The following FEM1B variants were observed in gnomAD, a reference collection of about 807,000 sequenced individuals.
FEM1B encodes fem-1 homolog B, also known as protein fem-1 homolog B.
A neutral mutation model predicts 38.6 loss-of-function variants in FEM1B; 10 were observed. That is an observed-to-expected ratio of 0.26 (90% CI 0.16 to 0.44). The LOEUF is 0.44. Among genes scored for constraint, FEM1B ranks in the 20% least tolerant of loss-of-function variants. The pLI is 1.00. For missense variants in FEM1B, 471 were observed against 786.7 expected (o/e 0.60, Z 4.80); for synonymous variants, 288 against 288.0 (o/e 1.00, Z 0.00).
rs967749460 is a variant in FEM1B at position 68,288,624 on chromosome 15, TAGTA to T, written c.249-975_249-972del. 6.6e-6 allele frequency among the ~76,000 whole-genome samples: 1 copy of T among 152,174 alleles called. No homozygotes were observed. Among genetic ancestry groups the T allele is most frequent in the Admixed American group, 6.5e-5 (1 of 15,276 alleles). On this transcript the variant is annotated intron_variant, in intron 1 of 1. Coordinates refer to ENST00000306917, the MANE Select transcript of FEM1B (RefSeq NM_015322.5). The surrounding 1 kb of genome is among the most constrained non-coding windows in gnomAD (Gnocchi z 4.6). ...GTGAATCTAGCACATATCAGATGTT[TAGTA>T]AGTAAGTGATAAGTATGAAGCCACA...
chr15:68,291,341 T>C lies in FEM1B; in HGVS notation c.*99T>C, dbSNP rs1281455335. ...TGTGTTCATAAATTCTGCTTTTCTT[T>C]CCACTACCCTTCCTCCCATCCCATC... On this transcript the variant is annotated 3_prime_UTR_variant, in exon 2 of 2. Transcript: ENST00000306917. The surrounding 1 kb of genome is among the most constrained non-coding windows in gnomAD (Gnocchi z 6.9). The C allele has an allele frequency of 1.2e-6, 1 of 864,292 alleles. No individual in the cohort carries two copies. Among genetic ancestry groups the C allele is most frequent in the Non-Finnish European group, 1.8e-6 (1 of 566,828 alleles). The allele number at this position is 864,292 out of a possible 1,614,324, so 53.5% of individuals were successfully genotyped here.
rs911677206 is a variant in FEM1B, at chr15:68,295,844, A to G, written c.*4602A>G. On this transcript the variant is annotated 3_prime_UTR_variant, in exon 2 of 2. Coordinates refer to ENST00000306917, the MANE Select transcript of FEM1B (RefSeq NM_015322.5). ...AAAGGAAAAAATGGTGTTTGTGTTCAGTAAATGTTTGAAAAAAACTACTTT... is the reference window on the plus strand; with the variant it reads ...AAAGGAAAAAATGGTGTTTGTGTTCGGTAAATGTTTGAAAAAAACTACTTT... The G allele has an allele frequency of 6.6e-6, 1 of 152,186 alleles. No homozygotes were observed. 9.4% of individuals were successfully genotyped at this position (152,186 alleles called of 1,614,324 possible).
At chr15:68,279,764 C>T (rs1173679709) in intron 1 of FEM1B, among the ~76,000 whole-genome samples, 1 of 152,106 alleles carries the variant, frequency 6.6e-6, no homozygotes, top group Non-Finnish European at 1.5e-5. Flanking sequence ...GCTTTTTCTT[C>T]TATTTTAGAT....
chr15:68,278,663 C>G lies in FEM1B; in HGVS notation c.246C>G (p.Asp82Glu). The change falls in exon 1 of 2, where the codon GAC becomes GAG. Residue 82 changes from aspartate to glutamate, a missense_variant and splice_region_variant. By Grantham distance (45) the Asp-to-Glu change is conservative (BLOSUM62 2). Around this residue, in one of 3 missense-constraint regions of FEM1B, gnomAD observed 91 missense variants for 169.6 expected, o/e 0.54. Coordinates refer to ENST00000306917, the MANE Select transcript of FEM1B (RefSeq NM_015322.5). This position sits in a 1 kb window ranked among gnomAD's most constrained non-coding sequence, Gnocchi z 5.7. ...AGCAGACTGGCACCGTCCGCTTCGA[C>G]GGGTAGGTACATCCCAAGCCAGCCT... ...QTQQTGTVRF[D>E]GYVIDGATAL... The G allele has an allele frequency of 6.2e-7, 1 of 1,613,806 alleles. No individual in the cohort carries two copies. Among genetic ancestry groups the G allele is most frequent in the Non-Finnish European group, 8.5e-7 (1 of 1,179,954 alleles).
intron 1 of FEM1B, among the ~76,000 whole-genome samples, chr15:68,282,269 T>C (rs1337423113): frequency 2.0e-5 from 3 of 151,872 alleles, no homozygotes; most frequent in Non-Finnish European, 4.4e-5. Flanking sequence ...GTTGTTCTTT[T>C]AAAGTCAGTG....
chr15:68,278,352 G>A lies in FEM1B; in HGVS notation c.-66G>A, dbSNP rs1892685757. ...CCAGGTTTAAAGCGCTGGCGAACGC[G>A]GCCTCCGGGGGCGCACGGCAGCTGC... On this transcript the variant is annotated 5_prime_UTR_variant, in exon 1 of 2. Coordinates refer to ENST00000306917, the MANE Select transcript of FEM1B (RefSeq NM_015322.5). This position sits in a 1 kb window ranked among gnomAD's most constrained non-coding sequence, Gnocchi z 5.7. The A allele has an allele frequency of 6.5e-7, 1 of 1,545,466 alleles. No individual in the cohort carries two copies.
chr15:68,290,794 C>T lies in FEM1B; in HGVS notation c.1436C>T (p.Pro479Leu). 2 of 1,614,052 alleles carry T rather than the reference C, an allele frequency of 1.2e-6. No individual in the cohort carries two copies. Among genetic ancestry groups the T allele is most frequent in the Non-Finnish European group, 1.7e-6 (2 of 1,179,940 alleles). ...KQIYNLIHLD[P>L]RTREGFTLLH... The stretch of plus-strand genomic sequence containing the variant: ...ATCTACAACCTGATTCACCTTGATC[C>T]CAGAACTCGTGAAGGTTTCACCTTG... The change falls in exon 2 of 2, where the codon CCC (proline) becomes CTC (leucine). Residue 479 changes from proline to leucine, a missense_variant. Pro to Leu is a moderately conservative substitution (Grantham distance 98). Around this residue, in one of 3 missense-constraint regions of FEM1B, gnomAD observed 380 missense variants for 599.6 expected, o/e 0.63. Coordinates refer to ENST00000306917, the MANE Select transcript of FEM1B (RefSeq NM_015322.5). This position sits in a 1 kb window ranked among gnomAD's most constrained non-coding sequence, Gnocchi z 9.7.
chr15:68,278,646 G>A lies in FEM1B; in HGVS notation c.229G>A (p.Gly77Ser). Residue 77 changes from glycine (G) to serine (S), a missense_variant, in exon 1 of 2, where the codon GGC becomes AGC. Coordinates refer to ENST00000306917, the MANE Select transcript of FEM1B (RefSeq NM_015322.5). This position sits in a 1 kb window ranked among gnomAD's most constrained non-coding sequence, Gnocchi z 5.7. ...EHYRVQTQQT[G>S]TVRFDGYVID... The stretch of plus-strand genomic sequence containing the variant: ...TTACCGGGTGCAGACTCAGCAGACT[G>A]GCACCGTCCGCTTCGACGGGTAGGT... 1 of 1,613,992 alleles carries A rather than the reference G, an allele frequency of 6.2e-7. No homozygotes were observed. The highest frequency in any genetic ancestry group is 8.5e-7 in the Non-Finnish European group (1 of 1,180,024).
chr15:68,281,581 C>T lies in FEM1B; in HGVS notation c.248+2916C>T. ...TGATAGAGCCTCGAGGGGAAAGGGA[C>T]CACCCACCTAGATTAAGCCATTGAT... On this transcript the variant is annotated intron_variant, in intron 1 of 1. Transcript: ENST00000306917. This position sits in a 1 kb window ranked among gnomAD's most constrained non-coding sequence, Gnocchi z 5.1. 6.6e-6 allele frequency among the ~76,000 whole-genome samples: 1 copy of T among 152,096 alleles called. No individual in the cohort carries two copies. Among genetic ancestry groups the T allele is most frequent in the Non-Finnish European group, 1.5e-5 (1 of 68,032 alleles).
intron 1 of FEM1B, among the ~76,000 whole-genome samples, chr15:68,282,233 G>A (rs1340206413): frequency 6.7e-6 from 1 of 149,900 alleles, no homozygotes; most frequent in East Asian, 1.9e-4. Context: ...TAGGACCTCC[G>A]AGAATTTTGA....
chr15:68,294,828 T>A lies in FEM1B; in HGVS notation c.*3586T>A, dbSNP rs1697665501. On this transcript the variant is annotated 3_prime_UTR_variant, in exon 2 of 2. Coordinates refer to ENST00000306917, the MANE Select transcript of FEM1B (RefSeq NM_015322.5). The surrounding 1 kb of genome is among the most constrained non-coding windows in gnomAD (Gnocchi z 4.4). ...TGACTATATAACATTAAAAAGGGGT[T>A]AAAGAAAACAAAACTCTGCCTTTTG... 1.3e-5 allele frequency: 2 copies of A among 152,178 alleles called. No individual in the cohort carries two copies. Among genetic ancestry groups the A allele is most frequent in the Admixed American group, 1.3e-4 (2 of 15,274 alleles). 9.4% of individuals were successfully genotyped at this position (152,178 alleles called of 1,614,324 possible).
intron 1 of FEM1B, among the ~76,000 whole-genome samples, chr15:68,287,063 GTAT>G (rs1436832040): frequency 6.6e-6 from 1 of 152,098 alleles, no homozygotes; most frequent in African/African-American, 2.4e-5. Flanking sequence ...GCTAATTTTT[GTAT>G]TATTGGTAGA....
Position 68,288,779 on chromosome 15 carries a change from C to T in FEM1B, c.249-828C>T. ...CACAGACAAGCAGTATATGCACACA[C>T]ATATACATATACATTTTAAAACTTT... On this transcript the variant is annotated intron_variant, in intron 1 of 1. Coordinates refer to ENST00000306917, the MANE Select transcript of FEM1B (RefSeq NM_015322.5). The surrounding 1 kb of genome is among the most constrained non-coding windows in gnomAD (Gnocchi z 4.6). Among the ~76,000 whole-genome samples, 1 of 152,098 alleles carries T rather than the reference C, an allele frequency of 6.6e-6. No individual in the cohort carries two copies. The highest frequency in any genetic ancestry group is 1.5e-5 in the Non-Finnish European group (1 of 68,012).
chr15:68,290,861 C>T lies in FEM1B; in HGVS notation c.1503C>T (p.Phe501=), dbSNP rs1367932558. The T allele has an allele frequency of 6.2e-7, 1 of 1,614,136 alleles. No individual in the cohort carries two copies. Among genetic ancestry groups the T allele is most frequent in the Non-Finnish European group, 8.5e-7 (1 of 1,180,000 alleles). Residue 501 remains phenylalanine, a synonymous_variant, in exon 2 of 2, where the codon TTC becomes TTT. Transcript: ENST00000306917. This position sits in a 1 kb window ranked among gnomAD's most constrained non-coding sequence, Gnocchi z 9.7. The part of the protein sequence containing the change: ...AVNSNTPVDD[F]HTNDVCSFPN... Reference sequence around the variant, plus strand: ...ATTCCAATACTCCAGTTGATGATTTCCACACCAATGACGTCTGCAGCTTTC... The same window carrying T: ...ATTCCAATACTCCAGTTGATGATTTTCACACCAATGACGTCTGCAGCTTTC...
intron 1 of FEM1B, among the ~76,000 whole-genome samples, chr15:68,287,453 G>T (rs1013827349): frequency 1.3e-5 from 2 of 152,124 alleles, no homozygotes; most frequent in Non-Finnish European, 2.9e-5. Flanking sequence ...GGTAGCCACT[G>T]TTACTGAGAG....
chr15:68,287,748 C>T (rs536645569), intron 1 of FEM1B, among the ~76,000 whole-genome samples: 4 of 151,888 alleles, frequency 2.6e-5, no homozygotes, highest in South Asian at 2.1e-4. Context: ...TGGTGAGGGC[C>T]GCATCCTCCA....
In FEM1B at chr15:68,291,400, A is replaced by ATGGTAAT. The variant is rs1156926263; in HGVS notation, c.*161_*167dup. On this transcript the variant is annotated 3_prime_UTR_variant, in exon 2 of 2. Coordinates refer to ENST00000306917, the MANE Select transcript of FEM1B (RefSeq NM_015322.5). The surrounding 1 kb of genome is among the most constrained non-coding windows in gnomAD (Gnocchi z 6.9). Reference sequence around the variant, plus strand: ...GTTCTGTATTTGTTTTTCTTGCCTCATGGTAATTGATTTCAGACAGACTTT... The same window carrying ATGGTAAT: ...GTTCTGTATTTGTTTTTCTTGCCTCATGGTAATTGGTAATTGATTTCAGACAGACTTT... 2.9e-5 allele frequency: 17 copies of ATGGTAAT among 581,190 alleles called. No homozygotes were observed. The highest frequency in any genetic ancestry group is 2.9e-6 in the Non-Finnish European group (1 of 339,498). The allele number at this position is 581,190 out of a possible 1,614,324, so 36.0% of individuals were successfully genotyped here.
rs757037936 is a variant in FEM1B at position 68,280,408 on chromosome 15, G to C, written c.248+1743G>C. ...TGTCTTGGAGGATGTCAGTCTGGGTGGGGGGAGAGAAATTAATAACACAAA... is the reference window on the plus strand; with the variant it reads ...TGTCTTGGAGGATGTCAGTCTGGGTCGGGGGAGAGAAATTAATAACACAAA... On this transcript the variant is annotated intron_variant, in intron 1 of 1. Transcript: ENST00000306917. This position sits in a 1 kb window ranked among gnomAD's most constrained non-coding sequence, Gnocchi z 4.2. 5.3e-5 allele frequency: 8 copies of C among 152,242 alleles called. No homozygotes were observed. The highest frequency in any genetic ancestry group is 1.4e-4 in the African/African-American group (6 of 41,434). 9.4% of individuals were successfully genotyped at this position (152,242 alleles called of 1,614,324 possible). A position where few individuals can be genotyped will look rare whatever the true frequency, so the allele number is the denominator to read the frequency against.
Position 68,292,219 on chromosome 15 carries a change from T to A in FEM1B, c.*977T>A, listed in dbSNP as rs1251341155. The A allele has an allele frequency of 6.6e-6, 1 of 152,190 alleles. No individual in the cohort carries two copies. Among genetic ancestry groups the A allele is most frequent in the Non-Finnish European group, 1.5e-5 (1 of 68,000 alleles). 9.4% of individuals were successfully genotyped at this position (152,190 alleles called of 1,614,324 possible). A position where few individuals can be genotyped will look rare whatever the true frequency, so the allele number is the denominator to read the frequency against. On this transcript the variant is annotated 3_prime_UTR_variant, in exon 2 of 2. Coordinates refer to ENST00000306917, the MANE Select transcript of FEM1B (RefSeq NM_015322.5). ...ACAGATGAAAAGGAACCAGGATATG[T>A]TTGAATTTTTTCACTTTCTTAGTCT...
Sources: gnomAD v4.1 joint callset for allele counts (sites outside exome capture counted in the v4.1 genomes callset) on GRCh38, gnomAD v4.1.1 for gene constraint, gnomAD v4.1.1 regional missense constraint, Gnocchi (gnomAD v3.1) non-coding constraint, MANE v1.5 for transcripts, NCBI Gene and HGNC (gene_info 2026-07-23, HGNC 2026-07-21) for gene names.